RHD: variants seen among roughly 807,000 people sequenced by gnomAD.
The protein encoded by RHD is blood group Rh(D) polypeptide.
Under a neutral mutation model 45.5 loss-of-function variants are expected in RHD, and 16 were observed. That is an observed-to-expected ratio of 0.35 (90% confidence interval 0.24 to 0.53). RHD has a LOEUF of 0.53. Ranked by LOEUF, RHD falls within the 20% of genes least tolerant of loss-of-function variation. RHD has a pLI of 0.92. For missense variants in RHD, 306 were observed against 532.0 expected, an observed-to-expected ratio of 0.58 and a Z score of 4.18; for synonymous variants, 131 against 217.5, an observed-to-expected ratio of 0.60 and a Z score of 3.50.
chr1:25,293,978 T>C (rs1642727374), intron 3 of RHD, among the ~76,000 whole-genome samples: 1 of 132,012 alleles, frequency 7.6e-6, no homozygotes, highest in Admixed American at 7.3e-5. Context: ...TCTCACAACT[T>C]AGATATAATT....
In RHD at chr1:25,329,432, G is replaced by A. The variant is rs1416815583; in HGVS notation, c.*508G>A. 11 of 249,438 alleles carry A rather than the reference G, an allele frequency of 4.4e-5. 2 individuals are homozygous for A. Among genetic ancestry groups the A allele is most frequent in the African/African-American group, 2.7e-4 (11 of 40,542 alleles). 15.5% of individuals were successfully genotyped at this position (249,438 alleles called of 1,614,324 possible). A position where few individuals can be genotyped will look rare whatever the true frequency, so the allele number is the denominator to read the frequency against. ...AATTTTTTGTATTTTTAGTAAAGATGGGGTTTCACCATGTTGGCCAGGCTG... is the reference window on the plus strand; with the variant it reads ...AATTTTTTGTATTTTTAGTAAAGATAGGGTTTCACCATGTTGGCCAGGCTG... On this transcript the variant is annotated 3_prime_UTR_variant, in exon 10 of 10. Coordinates refer to ENST00000328664, the MANE Select transcript of RHD (RefSeq NM_016124.6).
intron 7 of RHD, among the ~76,000 whole-genome samples, chr1:25,309,023 T>C (rs1157464097): frequency 2.3e-5 from 3 of 132,250 alleles, no homozygotes; most frequent in African/African-American, 7.9e-5. Context: ...GACATCTCTA[T>C]GTAATGGAAA....
intron 3 of RHD, among the ~76,000 whole-genome samples, chr1:25,292,647 T>C (rs534265762): frequency 3.1e-5 from 4 of 127,090 alleles, no homozygotes; most frequent in African/African-American, 8.0e-5. Flanking sequence ...AGGGTTAAGG[T>C]TGGGGGAGGG....
chr1:25,318,487 C>G (rs1158424941), intron 8 of RHD, among the ~76,000 whole-genome samples: 2 of 130,416 alleles, frequency 1.5e-5, no homozygotes, highest in African/African-American at 5.2e-5. Context: ...ACTGGGGAGG[C>G]TGAAGTAGGG....
At position 25,330,255 on chromosome 1, in the gene RHD, A is replaced by G. The variant is rs1374427214; in HGVS notation, c.*1331A>G. 7.5e-6 allele frequency: 1 copy of G among 133,232 alleles called. No individual in the cohort carries two copies. The highest frequency in any genetic ancestry group is 1.8e-5 in the Non-Finnish European group (1 of 56,216). The allele number at this position is 133,232 out of a possible 1,614,324, so 8.3% of individuals were successfully genotyped here. ...GGTTTTCTTAGGCACTTCTTAACAGACAATTGGTCAAAATGAACTCCATTG... is the reference window on the plus strand; with the variant it reads ...GGTTTTCTTAGGCACTTCTTAACAGGCAATTGGTCAAAATGAACTCCATTG... On this transcript the variant is annotated 3_prime_UTR_variant, in exon 10 of 10. Coordinates refer to ENST00000328664, the MANE Select transcript of RHD (RefSeq NM_016124.6).
In RHD at chr1:25,303,368, C is replaced by T. The variant is rs766015647; in HGVS notation, c.848C>T (p.Thr283Ile). Residue 283 changes from threonine (T) to isoleucine (I), a missense_variant, in exon 6 of 10, where the codon ACC (threonine) becomes ATC (isoleucine). Coordinates refer to ENST00000328664, the MANE Select transcript of RHD (RefSeq NM_016124.6). Reference sequence around the variant, plus strand: ...TTGGCAGGAGGCGTGGCTGTGGGTACCTCGTGTCACCTGATCCCTTCTCCG... The same window carrying T: ...TTGGCAGGAGGCGTGGCTGTGGGTATCTCGTGTCACCTGATCCCTTCTCCG... ...AVLAGGVAVG[T>I]SCHLIPSPWL... is the part of the protein sequence containing the mutation. The T allele has an allele frequency of 6.9e-4, 954 of 1,375,210 alleles. 290 individuals are homozygous for T. The highest frequency in any genetic ancestry group is 9.6e-4 in the Non-Finnish European group (936 of 975,640). The allele number at this position is 1,375,210 out of a possible 1,614,324, so 85.2% of individuals were successfully genotyped here. A position where few individuals can be genotyped will look rare whatever the true frequency, so the allele number is the denominator to read the frequency against.
intron 7 of RHD, among the ~76,000 whole-genome samples, chr1:25,314,565 C>A (rs115361352): frequency 0.01 from 1,336 of 132,984 alleles, 208 homozygotes; most frequent in African/African-American, 0.033. Context: ...GCTATCTCAG[C>A]CCACTACAAC....
At chr1:25,284,033 C>T (rs1206785737) in intron 1 of RHD, among the ~76,000 whole-genome samples, 4 of 134,962 alleles carry the variant, frequency 3.0e-5, no homozygotes, top group Admixed American at 7.1e-5. Context: ...TCGCAGCAGG[C>T]GGCAAAGGGA....
In RHD at chr1:25,306,945, G is replaced by A. The variant is rs377494946; in HGVS notation, c.1073+216G>A. On this transcript the variant is annotated intron_variant, in intron 7 of 9. Transcript: ENST00000328664. ...AGGCCACCTCTTCTTTCCAAATAGG[G>A]CCACCTAGGTATAGACCAAAGACAC... 1.4e-4 allele frequency: 72 copies of A among 532,864 alleles called. 8 individuals carry two copies. The highest frequency in any genetic ancestry group is 1.8e-4 in the Admixed American group (8 of 43,280). The allele number at this position is 532,864 out of a possible 1,614,324, so 33.0% of individuals were successfully genotyped here. A position where few individuals can be genotyped will look rare whatever the true frequency, so the allele number is the denominator to read the frequency against.
Position 25,315,787 on chromosome 1 carries a change from C to T in RHD, c.1074-1213C>T, listed in dbSNP as rs1232018448. On this transcript the variant is annotated intron_variant, in intron 7 of 9. Coordinates refer to ENST00000328664, the MANE Select transcript of RHD (RefSeq NM_016124.6). ...TGGGGATTACAGGTGTGAGCCACCA[C>T]ACCCGGCCTTAATTTATTTTTCTAG... Among the ~76,000 whole-genome samples the T allele has an allele frequency of 5.3e-5, 7 of 131,070 alleles. 1 individual carries two copies. The highest frequency in any genetic ancestry group is 1.8e-4 in the African/African-American group (7 of 37,992). 86.0% of individuals were successfully genotyped at this position (131,070 alleles called of 152,430 possible).
Position 25,280,221 on chromosome 1 carries a change from C to T in RHD, c.149-4352C>T, listed in dbSNP as rs577843291. On this transcript the variant is annotated intron_variant, in intron 1 of 9. Transcript: ENST00000328664. ...GCCTTGGGGAGGAAGGCCCTGAGCG[C>T]GTATACCTGGAATCAGGGAATCGGG... Among the ~76,000 whole-genome samples the T allele has an allele frequency of 5.5e-5, 7 of 126,752 alleles. 1 individual carries two copies. Among genetic ancestry groups the T allele is most frequent in the Non-Finnish European group, 9.2e-5 (5 of 54,140 alleles). The allele number at this position is 126,752 out of a possible 152,430, so 83.2% of individuals were successfully genotyped here. A position where few individuals can be genotyped will look rare whatever the true frequency, so the allele number is the denominator to read the frequency against.
chr1:25,300,735 G>A (rs1296076578), intron 3 of RHD, among the ~76,000 whole-genome samples: 1 of 131,738 alleles, frequency 7.6e-6, no homozygotes, highest in Middle Eastern at 4.0e-3. Context: ...CGTGAACCTG[G>A]GAGGCAAATG....
intron 2 of RHD, among the ~76,000 whole-genome samples, chr1:25,287,733 T>G (rs1387253802): frequency 7.4e-6 from 1 of 135,508 alleles, no homozygotes; most frequent in Admixed American, 7.1e-5. Flanking sequence ...TTTTATTTAT[T>G]TTTTTAGAGA....
rs561913308 is a variant in RHD, at chr1:25,297,549, A to G, written c.487-3397A>G. On this transcript the variant is annotated intron_variant, in intron 3 of 9. Transcript: ENST00000328664. ...TAAATTAGTACTATAATAATTGCCA[A>G]TGGTGGTTTTCTAATTCCATCTTTC... Among the ~76,000 whole-genome samples, 314 of 129,354 alleles carry G rather than the reference A, an allele frequency of 2.4e-3. 80 individuals carry two copies. Among genetic ancestry groups the G allele is most frequent in the Non-Finnish European group, 4.6e-3 (253 of 55,016 alleles). 84.9% of individuals were successfully genotyped at this position (129,354 alleles called of 152,430 possible). A position where few individuals can be genotyped will look rare whatever the true frequency, so the allele number is the denominator to read the frequency against.
intron 2 of RHD, among the ~76,000 whole-genome samples, chr1:25,286,870 A>G (rs538132443): frequency 2.2e-5 from 3 of 134,436 alleles, no homozygotes. Context: ...TAGCAGGTGG[A>G]TTACCTGAGG....
Position 25,313,044 on chromosome 1 carries a change from C to A in RHD, c.1074-3956C>A, listed in dbSNP as rs575292484. Among the ~76,000 whole-genome samples the A allele has an allele frequency of 8.9e-4, 108 of 121,270 alleles. 16 individuals carry two copies. The highest frequency in any genetic ancestry group is 2.8e-3 in the African/African-American group (101 of 36,092). The allele number at this position is 121,270 out of a possible 152,430, so 79.6% of individuals were successfully genotyped here. A position where few individuals can be genotyped will look rare whatever the true frequency, so the allele number is the denominator to read the frequency against. ...GATGCTGTGGTTTGAATGCATCCCT[C>A]AAATTTCATGTGTTGGAAACTTAAT... On this transcript the variant is annotated intron_variant, in intron 7 of 9. Coordinates refer to ENST00000328664, the MANE Select transcript of RHD (RefSeq NM_016124.6).
Position 25,297,493 on chromosome 1 carries a change from T to C in RHD, c.487-3453T>C, listed in dbSNP as rs866019208. The stretch of plus-strand genomic sequence containing the variant: ...TGTTGATCATCCAACTTTCACCCAC[T>C]GATTTTAGTGTTCATTGATTCTTCC... On this transcript the variant is annotated intron_variant, in intron 3 of 9. Coordinates refer to ENST00000328664, the MANE Select transcript of RHD (RefSeq NM_016124.6). 5.7e-5 allele frequency among the ~76,000 whole-genome samples: 7 copies of C among 122,066 alleles called. 1 individual carries two copies. The highest frequency in any genetic ancestry group is 1.2e-4 in the Non-Finnish European group (6 of 52,168). 80.1% of individuals were successfully genotyped at this position (122,066 alleles called of 152,430 possible). A position where few individuals can be genotyped will look rare whatever the true frequency, so the allele number is the denominator to read the frequency against.
chr1:25,281,660 C>T (rs906688178), intron 1 of RHD, among the ~76,000 whole-genome samples: 1 of 130,986 alleles, frequency 7.6e-6, no homozygotes, highest in Non-Finnish European at 1.8e-5. Context: ...CACACACCCC[C>T]ATTCCTAAGG....
intron 1 of RHD, among the ~76,000 whole-genome samples, chr1:25,273,091 G>A (rs1389564458): frequency 7.6e-6 from 1 of 131,244 alleles, no homozygotes; most frequent in Non-Finnish European, 1.8e-5. Context: ...GCAATTTCAT[G>A]TTGTTGGGTT....
Sources: allele counts gnomAD v4.1 joint callset (sites outside exome capture counted in the v4.1 genomes callset), GRCh38; gene constraint gnomAD v4.1.1; transcripts MANE v1.5; gene names NCBI Gene and HGNC (gene_info 2026-07-23, HGNC 2026-07-21).